The following PACRG variants were observed in gnomAD, a reference collection of about 807,000 sequenced individuals.
The protein encoded by PACRG is parkin coregulated gene protein.
PACRG carries 29 observed loss-of-function variants against 29.7 expected under a neutral mutation model. The observed-to-expected ratio is 0.98, with a 90% CI of 0.73 to 1.33. The LOEUF (loss-of-function observed/expected upper bound fraction) is 1.33. PACRG is among the 40% of genes most tolerant of loss of function. The pLI, the probability that PACRG is intolerant of heterozygous loss-of-function variation, is 0.00. For missense variants in PACRG, 279 were observed against 316.2 expected (o/e 0.88, Z 0.89); for synonymous variants, 116 against 118.7 (o/e 0.98, Z 0.15).
chr6:162,839,558 A>G (rs1454502004), intron 2 of PACRG, among the ~76,000 whole-genome samples: 1 of 151,820 alleles, frequency 6.6e-6, no homozygotes, highest in Non-Finnish European at 1.5e-5. Context: ...GTTCACTCTG[A>G]TGGTAGTTTC....
chr6:162,753,237 A>G (rs972359030), intron 1 of PACRG, among the ~76,000 whole-genome samples: 51 of 151,122 alleles, frequency 3.4e-4, no homozygotes, highest in African/African-American at 1.2e-3. Flanking sequence ...TCGATCAACA[A>G]CTCCTCATTC....
rs191526028 is a variant in PACRG at position 163,193,782 on chromosome 6, T to C, written c.613+104374T>C. ...AAAGTATTCCTAAAAGTAATTCAAATAAAAATGTATTTTAAATGTAGTACA... is the reference window on the plus strand; with the variant it reads ...AAAGTATTCCTAAAAGTAATTCAAACAAAAATGTATTTTAAATGTAGTACA... On this transcript the variant is annotated intron_variant, in intron 4 of 4. Transcript: ENST00000366888. Among the ~76,000 whole-genome samples the C allele has an allele frequency of 2.6e-5, 4 of 152,182 alleles. No homozygotes were observed. The East Asian group carries it at 7.7e-4, about 29-fold the overall frequency.
intron 4 of PACRG, among the ~76,000 whole-genome samples, chr6:163,307,573 G>A (rs118050517): frequency 0.014 from 2,197 of 152,270 alleles, 27 homozygotes; most frequent in Middle Eastern, 0.024. Flanking sequence ...TTGTATTTAA[G>A]GGAATGTAGG....
chr6:162,967,735 C>A (rs910469298), intron 2 of PACRG, among the ~76,000 whole-genome samples: 1 of 152,060 alleles, frequency 6.6e-6, no homozygotes, highest in Non-Finnish European at 1.5e-5. Context: ...TCTCAATCTC[C>A]TGACCTCATG....
chr6:162,761,722 A>T (rs1782371879), intron 1 of PACRG, among the ~76,000 whole-genome samples: 1 of 151,934 alleles, frequency 6.6e-6, no homozygotes, highest in African/African-American at 2.4e-5. Context: ...GCAGATCACG[A>T]GGTCAAGAGA....
intron 2 of PACRG, among the ~76,000 whole-genome samples, chr6:162,986,652 C>G (rs1287186499): frequency 6.6e-6 from 1 of 152,122 alleles, no homozygotes; most frequent in Non-Finnish European, 1.5e-5. Flanking sequence ...TTGGGTTAAG[C>G]AAAGACTTCA....
At position 162,895,572 on chromosome 6, in the gene PACRG, G is replaced by A. The variant is rs183012100; in HGVS notation, c.291+81291G>A. On this transcript the variant is annotated intron_variant, in intron 2 of 4. Transcript: ENST00000366888. ...AAAGCATACCTTCTTCACCCAGCCC[G>A]ATCTTGACAGTAATGCCTAACACTA... is the stretch of plus-strand genomic sequence containing the variant. 5.3e-5 allele frequency among the ~76,000 whole-genome samples: 8 copies of A among 152,290 alleles called. No homozygotes were observed. In the East Asian group the frequency reaches 1.2e-3, roughly 22 times the overall value.
intron 1 of PACRG, among the ~76,000 whole-genome samples, chr6:162,743,677 T>C (rs183563673): frequency 4.6e-5 from 7 of 152,280 alleles, no homozygotes; most frequent in African/African-American, 1.2e-4. Flanking sequence ...TTTGAATTAT[T>C]TATTTAATGC....
upstream of PACRG, among the ~76,000 whole-genome samples, chr6:162,727,462 C>A (rs958213340): frequency 6.6e-6 from 1 of 151,984 alleles, no homozygotes; most frequent in Non-Finnish European, 1.5e-5. Flanking sequence ...CAGGCGAGGG[C>A]TTCGAACGCA....
intron 4 of PACRG, chr6:163,184,720 A>G (rs1221179303): frequency 6.6e-6 from 1 of 152,196 alleles, no homozygotes; most frequent in Non-Finnish European, 1.5e-5. Context: ...ACTGCACGAG[A>G]AAGGTTAGCA....
chr6:163,275,966 G>C (rs1427148875), intron 4 of PACRG, among the ~76,000 whole-genome samples: 2 of 150,866 alleles, frequency 1.3e-5, no homozygotes, highest in African/African-American at 4.9e-5. Context: ...GAAGAGTATT[G>C]CTTTTTTTTT....
intron 2 of PACRG, among the ~76,000 whole-genome samples, chr6:162,846,237 C>A (rs149978121): frequency 1.3e-5 from 2 of 152,130 alleles, no homozygotes; most frequent in Non-Finnish European, 2.9e-5. Context: ...ACTCAGTCAC[C>A]GCTGGGAGCA....
intron 2 of PACRG, among the ~76,000 whole-genome samples, chr6:163,015,369 G>T (rs1272368223): frequency 1.3e-5 from 2 of 152,110 alleles, no homozygotes; most frequent in African/African-American, 4.8e-5. Context: ...GAATGGTTTT[G>T]TTTCCAATTC....
intron 2 of PACRG, among the ~76,000 whole-genome samples, chr6:162,912,578 T>TC (rs934514731): frequency 6.6e-6 from 1 of 150,968 alleles, no homozygotes; most frequent in Non-Finnish European, 1.5e-5. Context: ...TATTCTTTTT[T>TC]TTTTTTTTTT....
intron 3 of PACRG, among the ~76,000 whole-genome samples, chr6:163,086,542 A>C (rs1464215852): frequency 1.3e-5 from 2 of 152,052 alleles, no homozygotes; most frequent in Admixed American, 1.3e-4. Flanking sequence ...ATTTACTTTC[A>C]AACTAAACAA....
chr6:163,222,413 C>G (rs941245978), intron 4 of PACRG, among the ~76,000 whole-genome samples: 1 of 152,122 alleles, frequency 6.6e-6, no homozygotes, highest in Non-Finnish European at 1.5e-5. Context: ...AACCCCATCT[C>G]TACTAAAAAT....
chr6:162,855,645 A>G (rs1005085176), intron 2 of PACRG, among the ~76,000 whole-genome samples: 1 of 152,204 alleles, frequency 6.6e-6, no homozygotes, highest in Non-Finnish European at 1.5e-5. Flanking sequence ...TCTCCTGTCA[A>G]TTTGAATGTA....
chr6:163,151,803 A>G (rs1778104877), intron 4 of PACRG, among the ~76,000 whole-genome samples: 1 of 152,234 alleles, frequency 6.6e-6, no homozygotes, highest in Non-Finnish European at 1.5e-5. Context: ...AATATTATCA[A>G]AGCTGTATGT....
At chr6:163,073,011 A>G (rs987712406) in intron 3 of PACRG, among the ~76,000 whole-genome samples, 3 of 152,230 alleles carry the variant, frequency 2.0e-5, no homozygotes, top group African/African-American at 7.2e-5. Context: ...CGATTTTATT[A>G]AAATGTCCAT....
Sources: gnomAD v4.1 joint callset for allele counts (sites outside exome capture counted in the v4.1 genomes callset) on GRCh38, gnomAD v4.1.1 for gene constraint, MANE v1.5 for transcripts, NCBI Gene and HGNC (gene_info 2026-07-23, HGNC 2026-07-21) for gene names.